Variants in UBE2E2 observed in about 807,000 individuals in gnomAD.
The protein encoded by UBE2E2 is ubiquitin-conjugating enzyme E2 E2.
In UBE2E2, 6 loss-of-function variants were observed where a neutral mutation model predicts 24.7. The ratio of observed to expected loss-of-function variants is 0.24; its 90% CI spans 0.13 to 0.48. The LOEUF (loss-of-function observed/expected upper bound fraction) is 0.48, where lower values mean the gene tolerates loss of function less well. Among genes scored for constraint, UBE2E2 ranks in the 20% least tolerant of loss-of-function variants. The probability of loss-of-function intolerance (pLI) is 0.99; values close to 1 mark genes in which losing one functional copy is unlikely to be tolerated. For missense variants in UBE2E2, 169 were observed against 245.0 expected, an observed-to-expected ratio of 0.69 and a Z score of 2.07; for synonymous variants, 104 against 83.6, an observed-to-expected ratio of 1.24 and a Z score of -1.33.
chr3:23,318,626 C>T (rs372232923), intron 3 of UBE2E2, among the ~76,000 whole-genome samples: 1 of 152,212 alleles, frequency 6.6e-6, no homozygotes, highest in African/African-American at 2.4e-5. Flanking sequence ...AAATGAGAGC[C>T]AAGTGAAAGG....
intron 3 of UBE2E2, among the ~76,000 whole-genome samples, chr3:23,302,168 A>G (rs1049562113): frequency 1.3e-5 from 2 of 152,092 alleles, no homozygotes; most frequent in South Asian, 4.1e-4. Context: ...TGTCCCTTCC[A>G]GCCATATCCA....
intron 3 of UBE2E2, among the ~76,000 whole-genome samples, chr3:23,432,145 T>TA (rs1295687212): frequency 5.9e-5 from 9 of 152,312 alleles, no homozygotes; most frequent in African/African-American, 2.2e-4. Context: ...ATACAGTAAT[T>TA]ATATCACAAG....
intron 3 of UBE2E2, among the ~76,000 whole-genome samples, chr3:23,487,108 A>G (rs1699389675): frequency 6.6e-6 from 1 of 152,190 alleles, no homozygotes; most frequent in African/African-American, 2.4e-5. Context: ...GTCAGAACCC[A>G]AAGCTTCAGA....
At chr3:23,454,470 G>GTCTCA (rs1698630942) in intron 3 of UBE2E2, among the ~76,000 whole-genome samples, 2 of 152,138 alleles carry the variant, frequency 1.3e-5, no homozygotes, top group Non-Finnish European at 2.9e-5. Flanking sequence ...TCTGATTTAA[G>GTCTCA]TCTCATCTGC....
intron 3 of UBE2E2, among the ~76,000 whole-genome samples, chr3:23,265,318 T>A (rs755433521): frequency 6.6e-6 from 1 of 152,120 alleles, no homozygotes; most frequent in Non-Finnish European, 1.5e-5. Flanking sequence ...AGTTAGGGTG[T>A]CTTTCTCACT....
intron 3 of UBE2E2, among the ~76,000 whole-genome samples, chr3:23,250,241 T>A (rs187422251): frequency 6.6e-6 from 1 of 152,338 alleles, no homozygotes; most frequent in African/African-American, 2.4e-5. Context: ...ACCACCTGGC[T>A]CCATTTCCTG....
chr3:23,586,054 A>G (rs1696618877), intron 5 of UBE2E2, among the ~76,000 whole-genome samples: 1 of 152,214 alleles, frequency 6.6e-6, no homozygotes. Context: ...TACCATTTTC[A>G]GCAGAGATCC....
At chr3:23,274,852 C>A (rs4858490) in intron 3 of UBE2E2, among the ~76,000 whole-genome samples, 127,616 of 152,156 alleles carry the variant, frequency 0.84, 53,598 homozygotes, top group African/African-American at 0.89. Flanking sequence ...AATAGTATCC[C>A]TTTTTTTTGA....
chr3:23,275,623 C>G (rs531576824), intron 3 of UBE2E2, among the ~76,000 whole-genome samples: 7 of 152,064 alleles, frequency 4.6e-5, no homozygotes, highest in Non-Finnish European at 7.4e-5. Flanking sequence ...TTCTATTGCT[C>G]TATAGTTTCA....
chr3:23,486,333 A>G (rs1699370911), intron 3 of UBE2E2, among the ~76,000 whole-genome samples: 1 of 152,180 alleles, frequency 6.6e-6, no homozygotes, highest in Non-Finnish European at 1.5e-5. Flanking sequence ...TGGCACCTGA[A>G]AGCTCAGAGA....
chr3:23,494,812 C>T (rs771177997), intron 3 of UBE2E2, among the ~76,000 whole-genome samples: 1 of 151,970 alleles, frequency 6.6e-6, no homozygotes, highest in Non-Finnish European at 1.5e-5. Context: ...GCAACCTCCA[C>T]CTCCTGGGTT....
intron 4 of UBE2E2, among the ~76,000 whole-genome samples, chr3:23,532,286 T>C (rs1190628112): frequency 3.3e-5 from 5 of 152,166 alleles, no homozygotes; most frequent in Non-Finnish European, 7.4e-5. Flanking sequence ...CCTAAAACAT[T>C]TGTTAAATAA....
chr3:23,555,078 T>C (rs570914326), intron 5 of UBE2E2, among the ~76,000 whole-genome samples: 1 of 151,852 alleles, frequency 6.6e-6, no homozygotes, highest in Admixed American at 6.6e-5. Context: ...ACCACGCCCG[T>C]CTAATTTTTT....
At chr3:23,282,023 T>G (rs1698501461) in intron 3 of UBE2E2, among the ~76,000 whole-genome samples, 1 of 152,228 alleles carries the variant, frequency 6.6e-6, no homozygotes. Flanking sequence ...AAATGAAACT[T>G]GGCTTTTGAA....
intron 3 of UBE2E2, among the ~76,000 whole-genome samples, chr3:23,352,657 A>G (rs1049200781): frequency 3.9e-5 from 6 of 152,198 alleles, no homozygotes; most frequent in East Asian, 1.9e-4. Context: ...ATTCCTCAAC[A>G]CATACACCCT....
chr3:23,315,150 T>C (rs1694535104), intron 3 of UBE2E2, among the ~76,000 whole-genome samples: 1 of 152,154 alleles, frequency 6.6e-6, no homozygotes, highest in African/African-American at 2.4e-5. Flanking sequence ...GCAGCTGAGC[T>C]GGCATCAAAA....
chr3:23,420,673 A>G (rs1487682480), intron 3 of UBE2E2, among the ~76,000 whole-genome samples: 1 of 152,238 alleles, frequency 6.6e-6, no homozygotes, highest in Non-Finnish European at 1.5e-5. Context: ...CACCAGAACC[A>G]CTTGTAAAGA....
chr3:23,224,275 A>G (rs959558436), intron 3 of UBE2E2, among the ~76,000 whole-genome samples: 1 of 140,874 alleles, frequency 7.1e-6, no homozygotes, highest in Non-Finnish European at 1.5e-5. Flanking sequence ...AAATATTGTT[A>G]TAGTTCTTCT....
intron 4 of UBE2E2, among the ~76,000 whole-genome samples, chr3:23,524,849 T>TACAC (rs1350488799): frequency 7.6e-6 from 1 of 132,364 alleles, no homozygotes; most frequent in Non-Finnish European, 1.6e-5. Context: ...GAGATACAGA[T>TACAC]ACACACAGAC....
Sources: allele counts gnomAD v4.1 joint callset (sites outside exome capture counted in the v4.1 genomes callset), GRCh38; gene constraint gnomAD v4.1.1; transcripts MANE v1.5; gene names NCBI Gene and HGNC (gene_info 2026-07-23, HGNC 2026-07-21).